Variants in PCDHA1 observed in about 807,000 individuals in gnomAD.
PCDHA1 encodes the protein protocadherin alpha-1.
In PCDHA1, 42 loss-of-function variants were observed where a neutral mutation model predicts 61.3. The observed-to-expected ratio is 0.69, with a 90% CI of 0.54 to 0.89. PCDHA1 has a LOEUF of 0.89. PCDHA1 is among the 40% of genes least tolerant of loss of function. The pLI, the probability that PCDHA1 is intolerant of heterozygous loss-of-function variation, is 0.00. For missense variants in PCDHA1, 1,256 were observed against 1,235.3 expected, an observed-to-expected ratio of 1.02 and a Z score of -0.25; for synonymous variants, 610 against 553.8, an observed-to-expected ratio of 1.10 and a Z score of -1.43.
chr5:140,876,964 C>G, intron 1 of PCDHA1: 2 of 1,613,060 alleles, frequency 1.2e-6, no homozygotes, highest in Non-Finnish European at 1.7e-6. Context: ...GGTGGAGCGG[C>G]GGGTGGGCGA....
At chr5:140,823,014 C>T (rs1767511912) in intron 1 of PCDHA1, 13 of 1,614,242 alleles carry the variant, frequency 8.1e-6, no homozygotes, top group Non-Finnish European at 1.1e-5. Context: ...GCGCCCTGGA[C>T]CGCGAGAGCG....
At chr5:140,862,934 G>A (rs1050739882) in intron 1 of PCDHA1, 1 of 542,302 alleles carries the variant, frequency 1.8e-6, no homozygotes, top group South Asian at 1.4e-5. Context: ...TGGCGGCGCT[G>A]TGAGTGAGCT....
At chr5:140,889,347 T>A (rs531486529) in intron 1 of PCDHA1, among the ~76,000 whole-genome samples, 1 of 152,202 alleles carries the variant, frequency 6.6e-6, no homozygotes, top group South Asian at 2.1e-4. Context: ...GTGGGAATAT[T>A]TCTGATTACT....
intron 1 of PCDHA1, chr5:140,808,306 C>T (rs1210807010): frequency 8.1e-6 from 13 of 1,614,136 alleles, no homozygotes; most frequent in South Asian, 1.1e-5. Flanking sequence ...CCCTGATCAG[C>T]GTGTCCGACA....
intron 1 of PCDHA1, among the ~76,000 whole-genome samples, chr5:140,888,064 G>A (rs1353857736): frequency 6.6e-6 from 1 of 151,950 alleles, no homozygotes; most frequent in Non-Finnish European, 1.5e-5. Context: ...TAACTTTCTT[G>A]TCTGCTAATT....
At chr5:140,797,659 C>A (rs1335077353) in intron 1 of PCDHA1, among the ~76,000 whole-genome samples, 1 of 152,140 alleles carries the variant, frequency 6.6e-6, no homozygotes, top group Non-Finnish European at 1.5e-5. Flanking sequence ...TAAATATTTT[C>A]TCTCTTAAAA....
chr5:140,824,265 A>G lies in PCDHA1; in HGVS notation c.2394+35581A>G, dbSNP rs2150133778. 6 of 1,252,372 alleles carry G rather than the reference A, an allele frequency of 4.8e-6. No individual in the cohort carries two copies. In the East Asian group the frequency reaches 6.9e-5, roughly 14 times the overall value. 77.6% of individuals were successfully genotyped at this position (1,252,372 alleles called of 1,614,324 possible). A position where few individuals can be genotyped will look rare whatever the true frequency, so the allele number is the denominator to read the frequency against. On this transcript the variant is annotated intron_variant, in intron 1 of 3. Coordinates refer to ENST00000504120, the MANE Select transcript of PCDHA1 (RefSeq NM_018900.4). ...TGGTACACAATTATTGCACTAATTC[A>G]TGTATTATATGCTTTTTATGAGGCT...
chr5:140,800,504 A>G (rs545559500), intron 1 of PCDHA1, among the ~76,000 whole-genome samples: 6 of 152,338 alleles, frequency 3.9e-5, no homozygotes, highest in East Asian at 1.9e-4. Flanking sequence ...AAATACTTCA[A>G]CATCTCAATG....
Position 140,788,165 on chromosome 5 carries a change from G to A in PCDHA1, c.1875G>A (p.Gly625=), listed in dbSNP as rs782716949. 1.3e-5 allele frequency: 21 copies of A among 1,613,916 alleles called. No homozygotes were observed. The highest frequency in any genetic ancestry group is 1.7e-5 in the Non-Finnish European group (20 of 1,179,930). The change falls in exon 1 of 4, where the codon GGG becomes GGA. Residue 625 remains glycine, a synonymous_variant. Coordinates refer to ENST00000504120, the MANE Select transcript of PCDHA1 (RefSeq NM_018900.4). ...AGGARIPFRV[G]LYTGEISTTR... ...GCGCGCGCATCCCGTTCCGCGTGGG[G>A]CTGTACACGGGCGAGATCAGCACGA... is the stretch of plus-strand genomic sequence containing the variant.
intron 1 of PCDHA1, chr5:140,927,348 C>T (rs2153588187): frequency 1.2e-6 from 2 of 1,613,982 alleles, no homozygotes; most frequent in South Asian, 1.1e-5. Flanking sequence ...AAGATGACGA[C>T]GAGGGAAGCA....
At chr5:140,882,931 G>A in intron 1 of PCDHA1, 1 of 1,614,206 alleles carries the variant, frequency 6.2e-7, no homozygotes. Context: ...GTAAACCCGA[G>A]CTGACTGGCA....
intron 1 of PCDHA1, chr5:140,883,741 C>T (rs2153397240): frequency 6.2e-7 from 1 of 1,613,386 alleles, no homozygotes; most frequent in Non-Finnish European, 8.5e-7. Context: ...CGCTGGTCTC[C>T]TACTCGCTGG....
intron 1 of PCDHA1, chr5:140,822,409 A>T: frequency 6.2e-7 from 1 of 1,614,100 alleles, no homozygotes; most frequent in Non-Finnish European, 8.5e-7. Flanking sequence ...TTTATTAGTG[A>T]TTGCAACTGA....
At chr5:140,872,211 T>C (rs2053549148) in intron 1 of PCDHA1, among the ~76,000 whole-genome samples, 1 of 152,218 alleles carries the variant, frequency 6.6e-6, no homozygotes, top group South Asian at 2.1e-4. Flanking sequence ...ATTCATTATA[T>C]ATGAAACAAT....
chr5:140,933,137 A>C (rs1378585369), intron 1 of PCDHA1, among the ~76,000 whole-genome samples: 1 of 151,994 alleles, frequency 6.6e-6, no homozygotes, highest in African/African-American at 2.4e-5. Context: ...ATAAAGGTAG[A>C]TAGCCACTCA....
intron 1 of PCDHA1, among the ~76,000 whole-genome samples, chr5:140,799,148 C>T (rs995280112): frequency 6.6e-6 from 1 of 152,072 alleles, no homozygotes; most frequent in Admixed American, 6.5e-5. Flanking sequence ...TAAGTGACAT[C>T]TAGGTGGTAG....
chr5:140,882,485 G>C, intron 1 of PCDHA1: 3 of 1,614,106 alleles, frequency 1.9e-6, no homozygotes, highest in Non-Finnish European at 2.5e-6. Flanking sequence ...AAGACACGGG[G>C]ACCTTCTGGA....
At position 140,987,008 on chromosome 5, in the gene PCDHA1, G is replaced by A. The variant is rs958548514; in HGVS notation, c.2542+4445G>A. 2.6e-5 allele frequency among the ~76,000 whole-genome samples: 4 copies of A among 152,260 alleles called. No individual in the cohort carries two copies. The South Asian group carries it at 6.2e-4, about 24-fold the overall frequency. On this transcript the variant is annotated intron_variant, in intron 3 of 3. Transcript: ENST00000504120. ...GCAGGCAGATCACTTGAGGTCATGA[G>A]TTCGAGACCAGCCTGGTCAACATGG... is the stretch of plus-strand genomic sequence containing the variant.
At chr5:140,823,094 T>C (rs2150122248) in intron 1 of PCDHA1, 2 of 1,614,032 alleles carry the variant, frequency 1.2e-6, no homozygotes, top group Non-Finnish European at 1.7e-6. Flanking sequence ...ACCGCCAGCG[T>C]GTCTGTGGAA....
Sources: allele counts gnomAD v4.1 joint callset (sites outside exome capture counted in the v4.1 genomes callset), GRCh38; gene constraint gnomAD v4.1.1; transcripts MANE v1.5; gene names NCBI Gene and HGNC (gene_info 2026-07-23, HGNC 2026-07-21).